The following TET3 variants were observed in gnomAD, a reference collection of about 807,000 sequenced individuals.
TET3 encodes methylcytosine dioxygenase TET3.
Under a neutral mutation model 141.4 loss-of-function variants are expected in TET3, and 19 were observed. The ratio of observed to expected loss-of-function variants is 0.13; its 90% CI spans 0.09 to 0.20. The LOEUF (loss-of-function observed/expected upper bound fraction) is 0.20. TET3 is among the 10% of genes least tolerant of loss of function. The pLI is 1.00. For missense variants in TET3, 1,874 were observed against 2,356.9 expected, an observed-to-expected ratio of 0.80 and a Z score of 4.24; for synonymous variants, 1,043 against 980.9, an observed-to-expected ratio of 1.06 and a Z score of -1.18.
intron 3 of TET3, among the ~76,000 whole-genome samples, chr2:74,033,563 A>G (rs949906369): frequency 6.6e-6 from 1 of 152,168 alleles, no homozygotes; most frequent in Non-Finnish European, 1.5e-5. Context: ...TACGTTGGAG[A>G]TACTGCAGGT....
intron 6 of TET3, among the ~76,000 whole-genome samples, chr2:74,083,466 G>A (rs370533056): frequency 6.6e-6 from 1 of 152,204 alleles, no homozygotes. Context: ...ACAGGGTTGG[G>A]GTTCTGCTGG....
At chr2:74,029,831 A>G (rs1686575707) in intron 3 of TET3, among the ~76,000 whole-genome samples, 1 of 152,204 alleles carries the variant, frequency 6.6e-6, no homozygotes, top group South Asian at 2.1e-4. Context: ...TATGCCTTTG[A>G]TATCCTGTCA....
In TET3 at chr2:73,986,597, G is replaced by A; in HGVS notation, c.194G>A (p.Arg65Gln). The A allele has an allele frequency of 3.2e-6, 4 of 1,232,174 alleles. No homozygotes were observed. Among genetic ancestry groups the A allele is most frequent in the Middle Eastern group, 3.1e-4 (1 of 3,212 alleles). 76.3% of individuals were successfully genotyped at this position (1,232,174 alleles called of 1,614,324 possible). The change falls in exon 2 of 12, where the codon CGG becomes CAG. Residue 65 changes from arginine (R) to glutamine (Q), a missense_variant. Arg to Gln is a conservative substitution (Grantham distance 43). Around this residue, in one of 10 missense-constraint regions of TET3, gnomAD observed 366 missense variants for 487.0 expected, o/e 0.75. Coordinates refer to ENST00000409262, the MANE Select transcript of TET3 (RefSeq NM_001287491.2). ...TGTGGTACTTGTGAGCCCTGCCGGC[G>A]GCTGGAAAACTGTGGCGCTTGCACT... Reference protein sequence around the residue: ...KRCGTCEPCRRLENCGACTSC... With the variant: ...KRCGTCEPCRQLENCGACTSC...
Position 73,986,198 on chromosome 2 carries a change from C to T in TET3, c.-206C>T, listed in dbSNP as rs1684018946. The T allele has an allele frequency of 2.5e-6, 1 of 402,192 alleles. No homozygotes were observed. The highest frequency in any genetic ancestry group is 4.3e-6 in the Non-Finnish European group (1 of 233,850). The allele number at this position is 402,192 out of a possible 1,614,324, so 24.9% of individuals were successfully genotyped here. ...GGGCCCCAGCAGGTGGGAGAGTGGC[C>T]CCCTACGGAGTCCGATCAGACTGCT... On this transcript the variant is annotated 5_prime_UTR_variant, in exon 2 of 12. Coordinates refer to ENST00000409262, the MANE Select transcript of TET3 (RefSeq NM_001287491.2).
chr2:74,110,470 G>A (rs1239845574), downstream of TET3, among the ~76,000 whole-genome samples: 7 of 152,108 alleles, frequency 4.6e-5, no homozygotes, highest in Non-Finnish European at 7.4e-5. Context: ...CCATGTCCAT[G>A]GGATGGTGCA....
chr2:74,011,665 C>CA (rs765260413), intron 3 of TET3, among the ~76,000 whole-genome samples: 40 of 152,074 alleles, frequency 2.6e-4, no homozygotes, highest in Admixed American at 5.2e-4. Flanking sequence ...TCGGTGAATC[C>CA]AAAAATCCAT....
intron 2 of TET3, among the ~76,000 whole-genome samples, chr2:73,991,752 C>T (rs1684335484): frequency 7.3e-6 from 1 of 136,672 alleles, no homozygotes; most frequent in African/African-American, 2.9e-5. Context: ...TTGCAGTGAG[C>T]TGAAATTGCG....
At chr2:74,083,593 T>C (rs1277659709) in intron 6 of TET3, among the ~76,000 whole-genome samples, 1 of 152,182 alleles carries the variant, frequency 6.6e-6, no homozygotes, top group Non-Finnish European at 1.5e-5. Flanking sequence ...GGTATGGATG[T>C]GTTTGTGCCT....
chr2:74,061,346 C>T (rs1181142841), intron 4 of TET3, among the ~76,000 whole-genome samples: 10 of 132,944 alleles, frequency 7.5e-5, no homozygotes, highest in South Asian at 2.4e-4. Context: ...ACCTCCCGGA[C>T]GGGGCGGCTG....
intron 4 of TET3, among the ~76,000 whole-genome samples, chr2:74,068,993 T>C (rs982226578): frequency 6.6e-6 from 1 of 152,226 alleles, no homozygotes; most frequent in Non-Finnish European, 1.5e-5. Context: ...TCAGTAGTTA[T>C]TACAAAGTTT....
chr2:74,012,031 G>A (rs367955631), intron 3 of TET3, among the ~76,000 whole-genome samples: 1 of 152,198 alleles, frequency 6.6e-6, no homozygotes, highest in African/African-American at 2.4e-5. Flanking sequence ...CTCGATCTCG[G>A]CTCACTGCAG....
chr2:74,044,837 C>T (rs574436665), intron 3 of TET3, among the ~76,000 whole-genome samples: 1 of 152,314 alleles, frequency 6.6e-6, no homozygotes, highest in East Asian at 1.9e-4. Context: ...CATTCTCTTA[C>T]ATAACCCATT....
chr2:74,042,501 A>G (rs1413243173), intron 3 of TET3, among the ~76,000 whole-genome samples: 1 of 152,202 alleles, frequency 6.6e-6, no homozygotes, highest in Non-Finnish European at 1.5e-5. Flanking sequence ...AATGTTGGCA[A>G]AACAAAAACA....
chr2:74,085,693 G>T (rs1209068720), intron 6 of TET3, among the ~76,000 whole-genome samples: 3 of 151,064 alleles, frequency 2.0e-5, no homozygotes, highest in Admixed American at 1.3e-4. Context: ...AGCTCAGGCG[G>T]TAACGCCCGC....
chr2:74,081,948 T>C (rs1222248917), intron 6 of TET3, among the ~76,000 whole-genome samples: 3 of 152,152 alleles, frequency 2.0e-5, no homozygotes, highest in African/African-American at 7.2e-5. Flanking sequence ...TGAGAGGTGG[T>C]CATTGCAGTG....
chr2:74,133,072 A>ATTTTT, the TET3 span, among the ~76,000 whole-genome samples: 1 of 105,154 alleles, frequency 9.5e-6, no homozygotes, highest in Non-Finnish European at 2.1e-5. Flanking sequence ...TAATTTTTGT[A>ATTTTT]TTTTTTTTTT....
chr2:74,020,603 C>G (rs1685983230), intron 3 of TET3, among the ~76,000 whole-genome samples: 1 of 152,196 alleles, frequency 6.6e-6, no homozygotes, highest in African/African-American at 2.4e-5. Flanking sequence ...ACTCTCAGGT[C>G]CCTGCCCCCA....
At chr2:74,111,645 T>G (rs139578841), downstream of TET3, among the ~76,000 whole-genome samples, 24 of 152,344 alleles carry the variant, frequency 1.6e-4, no homozygotes, top group South Asian at 4.1e-4. Flanking sequence ...GACCACAGTA[T>G]AGCCCTCTAA....
At chr2:74,034,648 C>A (rs889635302) in intron 3 of TET3, among the ~76,000 whole-genome samples, 3 of 150,402 alleles carry the variant, frequency 2.0e-5, no homozygotes, top group Non-Finnish European at 4.4e-5. Context: ...TTCATTGACA[C>A]TGCTCTATAA....
Sources: allele counts gnomAD v4.1 joint callset (sites outside exome capture counted in the v4.1 genomes callset), GRCh38; gene constraint gnomAD v4.1.1; regional missense constraint gnomAD v4.1.1; transcripts MANE v1.5; gene names NCBI Gene and HGNC (gene_info 2026-07-23, HGNC 2026-07-21).